Variants in LMTK3 observed in about 807,000 individuals in gnomAD.
The protein encoded by LMTK3 is lemur tail kinase 3.
Under a neutral mutation model 116.7 loss-of-function variants are expected in LMTK3, and 27 were observed. That is an observed-to-expected ratio of 0.23 (90% CI 0.17 to 0.32). LMTK3 has a LOEUF of 0.32. Ranked by LOEUF, LMTK3 falls within the 10% of genes least tolerant of loss-of-function variation. The pLI is 1.00. For synonymous variants in LMTK3, 965 were observed against 971.0 expected (o/e 0.99, Z 0.11); for missense variants, 1,764 against 2,068.5 (o/e 0.85, Z 2.86).
intron 5 of LMTK3, among the ~76,000 whole-genome samples, chr19:48,503,959 C>T (rs1191187614): frequency 6.6e-6 from 1 of 152,046 alleles, no homozygotes. Flanking sequence ...CCTCCACCTC[C>T]CGGGTTCAAG....
intron 4 of LMTK3, 106 bp from the exon 5 acceptor site, chr19:48,509,075 G>A: frequency 1.4e-6 from 1 of 724,852 alleles, no homozygotes; most frequent in Non-Finnish European, 2.3e-6. Flanking sequence ...CTCCTTCCCA[G>A]CTTCTCCCTC....
rs1972355020 is a variant in LMTK3 at position 48,497,632 on chromosome 19, G to A, written c.3437C>T (p.Pro1146Leu). ...GWVDNTRPQP[P>L]PPPLPPPPEA... ...CGGTGGCGGTGGCAGCGGTGGCGGC[G>A]GTGGCTGCGGCCTCGTGTTGTCTAC... is the stretch of plus-strand genomic sequence containing the variant. Residue 1146 changes from proline to leucine, a missense_variant, in exon 11 of 15, where the codon CCG becomes CTG. Transcript: ENST00000600059. This position sits in a 1 kb window ranked among gnomAD's most constrained non-coding sequence, Gnocchi z 5.7. 1.5e-6 allele frequency: 2 copies of A among 1,298,760 alleles called. No homozygotes were observed. The highest frequency in any genetic ancestry group is 4.0e-5 in the Admixed American group (1 of 24,820). 80.5% of individuals were successfully genotyped at this position (1,298,760 alleles called of 1,614,324 possible).
At chr19:48,508,997 G>C in intron 4 of LMTK3, 28 bp from the exon 5 acceptor site, 1 of 1,501,332 alleles carries the variant, frequency 6.7e-7, no homozygotes, top group Non-Finnish European at 9.1e-7. Flanking sequence ...AGGAGTCAGC[G>C]AGTGCCGTTT....
At chr19:48,502,674 T>C (rs10415669) in intron 6 of LMTK3, 93 bp from the exon 7 acceptor site, 49,135 of 1,388,740 alleles carry the variant, frequency 0.035, 1,272 homozygotes, top group African/African-American at 0.1. Context: ...TGTCACTGGG[T>C]AGCCCCTCTG....
intron 5 of LMTK3, among the ~76,000 whole-genome samples, chr19:48,504,171 A>G (rs1356477837): frequency 1.3e-5 from 2 of 152,126 alleles, no homozygotes; most frequent in Admixed American, 1.3e-4. Flanking sequence ...CCCTGCCTGC[A>G]CCTACGGTTC....
chr19:48,488,470 C>T (rs1252480028), intron 14 of LMTK3, among the ~76,000 whole-genome samples: 1 of 152,062 alleles, frequency 6.6e-6, no homozygotes, highest in African/African-American at 2.4e-5. Flanking sequence ...CATTGACTTC[C>T]CTCCCTTGCT....
intron 2 of LMTK3, 113 bp downstream of exon 2, chr19:48,510,346 C>A: frequency 3.4e-6 from 5 of 1,457,434 alleles, no homozygotes; most frequent in Non-Finnish European, 4.6e-6. Context: ...TAGCTTCAAG[C>A]TGGAAGGTGC....
rs753337047 is a variant in LMTK3 at position 48,498,006 on chromosome 19, A to T, written c.3063T>A (p.Thr1021=). 10 of 1,611,604 alleles carry T rather than the reference A, an allele frequency of 6.2e-6. No individual in the cohort carries two copies. Among genetic ancestry groups the T allele is most frequent in the Non-Finnish European group, 8.5e-6 (10 of 1,179,260 alleles). Residue 1021 remains threonine (T), a synonymous_variant, in exon 11 of 15, where the codon ACT becomes ACA. Transcript: ENST00000600059. The stretch of plus-strand genomic sequence containing the variant: ...AGGGCCCTGGGGCTCTCCAAGGCCC[A>T]GTCTCTGGTGGCCTCTCCGTGTTCC... The part of the protein sequence containing the change: ...FPRNTERPPE[T]GPWRAPGPWE...
chr19:48,490,183 C>T (rs1451656864), intron 14 of LMTK3, among the ~76,000 whole-genome samples: 1 of 152,132 alleles, frequency 6.6e-6, no homozygotes, highest in Non-Finnish European at 1.5e-5. Context: ...GGTTTGAATC[C>T]CAGCTCCTCA....
At position 48,502,568 on chromosome 19, in the gene LMTK3, C is replaced by A. The variant is rs1213515829; in HGVS notation, c.659G>T (p.Arg220Leu). 6.4e-7 allele frequency: 1 copy of A among 1,562,106 alleles called. No individual in the cohort carries two copies. The change falls in exon 7 of 15, where the codon CGT (arginine) becomes CTT (leucine). Residue 220 changes from arginine to leucine, a missense_variant. Transcript: ENST00000600059. ...MEFCQLGDLK[R>L]YLRAQRPPEG... is the part of the protein sequence containing the mutation. ...GGGGGGCCGCTGGGCTCGGAGGTAACGCTTCAGGTCCCCCTGGGAGGGAGG... is the reference window on the plus strand; with the variant it reads ...GGGGGGCCGCTGGGCTCGGAGGTAAAGCTTCAGGTCCCCCTGGGAGGGAGG...
chr19:48,485,448 C>G lies in LMTK3; in HGVS notation c.*325G>C, dbSNP rs1972104972. On this transcript the variant is annotated 3_prime_UTR_variant, in exon 15 of 15. Coordinates refer to ENST00000600059, the MANE Select transcript of LMTK3 (RefSeq NM_001388485.1). Reference sequence around the variant, plus strand: ...TGGGCCAGGAGTGGGTGAGGAGGGACCTCCGCTGTGTCGAGGGGCTCCAGG... The same window carrying G: ...TGGGCCAGGAGTGGGTGAGGAGGGAGCTCCGCTGTGTCGAGGGGCTCCAGG... The G allele has an allele frequency of 6.2e-6, 2 of 320,584 alleles. No individual in the cohort carries two copies. The highest frequency in any genetic ancestry group is 3.7e-5 in the South Asian group (1 of 27,336). The allele number at this position is 320,584 out of a possible 1,614,324, so 19.9% of individuals were successfully genotyped here.
At position 48,501,093 on chromosome 19, in the gene LMTK3, G is replaced by A. The variant is rs764822789; in HGVS notation, c.1054C>T (p.Arg352Cys). 13 of 1,593,316 alleles carry A rather than the reference G, an allele frequency of 8.2e-6. No homozygotes were observed. In the South Asian group the frequency reaches 1.5e-4, roughly 18 times the overall value. Reference sequence around the variant, plus strand: ...AGGACCTCCTCGTCTGACAGGTGGCGGTAGGGCTGGGCCCCAAACTCAAAC... The same window carrying A: ...AGGACCTCCTCGTCTGACAGGTGGCAGTAGGGCTGGGCCCCAAACTCAAAC... ...ELFEFGAQPY[R>C]HLSDEEVLAF... Residue 352 changes from arginine to cysteine, a missense_variant, in exon 10 of 15, where the codon CGC becomes TGC. Physicochemically the swap from Arg to Cys is radical, Grantham distance 180. Coordinates refer to ENST00000600059, the MANE Select transcript of LMTK3 (RefSeq NM_001388485.1).
chr19:48,510,599 G>A lies in LMTK3; in HGVS notation c.77-7C>T. 1.9e-6 allele frequency: 3 copies of A among 1,565,102 alleles called. No homozygotes were observed. Among genetic ancestry groups the A allele is most frequent in the Non-Finnish European group, 2.6e-6 (3 of 1,159,514 alleles). On this transcript the variant is annotated splice_polypyrimidine_tract_variant and splice_region_variant and intron_variant, in intron 1 of 14. Coordinates refer to ENST00000600059, the MANE Select transcript of LMTK3 (RefSeq NM_001388485.1). Reference sequence around the variant, plus strand: ...CGGCCCAGGGCGAATCCATCTGTGGGCACAGGGCTGGGCTGGGGTCCCAGC... The same window carrying A: ...CGGCCCAGGGCGAATCCATCTGTGGACACAGGGCTGGGCTGGGGTCCCAGC...
chr19:48,499,615 C>T lies in LMTK3; in HGVS notation c.1454G>A (p.Arg485Gln), dbSNP rs1393791570. The T allele has an allele frequency of 2.6e-6, 4 of 1,541,108 alleles. No individual in the cohort carries two copies. The highest frequency in any genetic ancestry group is 2.5e-5 in the East Asian group (1 of 40,464). ...LNLECLWEKA[R>Q]RGAGRGGGAP... ...CCCCCCACCCCGGCCGGCCCCACGC[C>T]GGGCCTTCTCCCACAGGCACTCGAG... The change falls in exon 11 of 15, where the codon CGG becomes CAG. Residue 485 changes from arginine (R) to glutamine (Q), a missense_variant. This residue lies in a region of LMTK3 where 1,028 missense variants were observed against 1,050.6 expected (regional missense o/e 0.98). Transcript: ENST00000600059.
At chr19:48,506,391 AAC>A (rs886867017) in intron 5 of LMTK3, among the ~76,000 whole-genome samples, 5 of 152,160 alleles carry the variant, frequency 3.3e-5, no homozygotes, top group African/African-American at 1.2e-4. Flanking sequence ...ATGCTCAATA[AAC>A]ACAGGTGGAG....
At chr19:48,503,066 A>G in intron 5 of LMTK3, 70 bp from the exon 6 acceptor site, 2 of 881,738 alleles carry the variant, frequency 2.3e-6, no homozygotes, top group Non-Finnish European at 1.9e-6. Flanking sequence ...AACCCCCAGC[A>G]GAACCAAACT....
chr19:48,501,573 A>G lies in LMTK3; in HGVS notation c.795-11T>C. Reference sequence around the variant, plus strand: ...CGCAGGGCCAGGTCGCTGCGGGAAGAACGCGAGGAGGTGAGCGCAGGGGCA... The same window carrying G: ...CGCAGGGCCAGGTCGCTGCGGGAAGGACGCGAGGAGGTGAGCGCAGGGGCA... On this transcript the variant is annotated splice_polypyrimidine_tract_variant and intron_variant, in intron 7 of 14. Transcript: ENST00000600059. 1 of 1,600,424 alleles carries G rather than the reference A, an allele frequency of 6.2e-7. No homozygotes were observed. Among genetic ancestry groups the G allele is most frequent in the African/African-American group, 1.3e-5 (1 of 74,752 alleles).
chr19:48,488,057 C>A lies in LMTK3; in HGVS notation c.4367-2268G>T, dbSNP rs145045382. 9.2e-5 allele frequency among the ~76,000 whole-genome samples: 14 copies of A among 152,200 alleles called. No homozygotes were observed. The East Asian group carries it at 2.3e-3, about 25-fold the overall frequency. On this transcript the variant is annotated intron_variant, in intron 14 of 14. Transcript: ENST00000600059. ...GCCGCAGGAATATTTGTCAACTGAG[C>A]GAAAGGATTTGGGGTTTGGCACAAT...
chr19:48,498,138 C>T lies in LMTK3; in HGVS notation c.2931G>A (p.Gly977=). The change falls in exon 11 of 15, where the codon GGG becomes GGA. Residue 977 remains glycine, a synonymous_variant. Coordinates refer to ENST00000600059, the MANE Select transcript of LMTK3 (RefSeq NM_001388485.1). ...CCCCGGCCTCTGGGGACCTCAGCTC[C>T]CCATTCTCCAGCGCTTTCTCCTCCC... The part of the protein sequence containing the change: ...PRREEKALEN[G]ELRSPEAGEK... 1.2e-6 allele frequency: 2 copies of T among 1,613,728 alleles called. No homozygotes were observed. The highest frequency in any genetic ancestry group is 1.3e-5 in the African/African-American group (1 of 75,028).
Sources: gnomAD v4.1 joint callset for allele counts (sites outside exome capture counted in the v4.1 genomes callset) on GRCh38, gnomAD v4.1.1 for gene constraint, gnomAD v4.1.1 regional missense constraint, Gnocchi (gnomAD v3.1) non-coding constraint, MANE v1.5 for transcripts, NCBI Gene and HGNC (gene_info 2026-07-23, HGNC 2026-07-21) for gene names.